Variants in RALYL observed in about 807,000 individuals in gnomAD.
RALYL encodes RALY RNA binding protein like, also known as RNA-binding Raly-like protein.
Under a neutral mutation model 35.1 loss-of-function variants are expected in RALYL, and 29 were observed. The ratio of observed to expected loss-of-function variants is 0.83; its 90% CI spans 0.61 to 1.13. The LOEUF is 1.13. Ranked by LOEUF, RALYL falls within the 50% of genes most tolerant of loss-of-function variation. The pLI is 0.00. For missense variants in RALYL, 359 were observed against 360.4 expected (o/e 1.00, Z 0.03); for synonymous variants, 120 against 127.6 (o/e 0.94, Z 0.40).
intron 2 of RALYL, among the ~76,000 whole-genome samples, chr8:84,663,323 A>G (rs377541253): frequency 6.6e-6 from 1 of 152,188 alleles, no homozygotes; most frequent in Admixed American, 6.6e-5. Context: ...TAATAGAATG[A>G]TGTATATTCC....
intron 1 of RALYL, among the ~76,000 whole-genome samples, chr8:84,330,964 T>C (rs1846694233): frequency 6.6e-6 from 1 of 152,054 alleles, no homozygotes; most frequent in African/African-American, 2.4e-5. Flanking sequence ...ATGGAGAGCA[T>C]TGTATGCTGT....
chr8:84,221,659 T>A (rs887998182), intron 1 of RALYL, among the ~76,000 whole-genome samples: 2 of 152,108 alleles, frequency 1.3e-5, no homozygotes, highest in Non-Finnish European at 2.9e-5. Context: ...ATCTTGGCTG[T>A]TATTATTAGA....
At chr8:84,696,251 T>TA (rs918899934) in intron 2 of RALYL, among the ~76,000 whole-genome samples, 1,746 of 144,732 alleles carry the variant, frequency 0.012, 35 homozygotes, top group African/African-American at 0.038. Flanking sequence ...TGTTAAAATT[T>TA]AAAAAAAAAA....
At chr8:84,765,599 A>G (rs1051185147) in intron 2 of RALYL, among the ~76,000 whole-genome samples, 1 of 152,202 alleles carries the variant, frequency 6.6e-6, no homozygotes, top group Non-Finnish European at 1.5e-5. Flanking sequence ...CTCAACTAAT[A>G]ATAACTACCA....
chr8:84,692,304 A>G (rs1030520350), intron 2 of RALYL, among the ~76,000 whole-genome samples: 2 of 152,012 alleles, frequency 1.3e-5, no homozygotes, highest in Non-Finnish European at 2.9e-5. Context: ...ATCAAAAACA[A>G]TATGGACTGC....
At chr8:84,201,581 A>G (rs1210056482) in intron 1 of RALYL, among the ~76,000 whole-genome samples, 2 of 150,306 alleles carry the variant, frequency 1.3e-5, no homozygotes, top group African/African-American at 2.5e-5. Context: ...TTTTTTTTTC[A>G]AGACAGAGTC....
intron 1 of RALYL, among the ~76,000 whole-genome samples, chr8:84,481,889 G>A (rs552703714): frequency 2.0e-5 from 3 of 152,212 alleles, no homozygotes; most frequent in African/African-American, 7.2e-5. Context: ...ATTGGATGCT[G>A]TGGTATAGAT....
At chr8:84,460,247 G>A (rs759437079) in intron 1 of RALYL, among the ~76,000 whole-genome samples, 3 of 151,638 alleles carry the variant, frequency 2.0e-5, no homozygotes, top group Non-Finnish European at 4.4e-5. Flanking sequence ...AAGTCTAAAT[G>A]GGTAGAATGC....
intron 1 of RALYL, among the ~76,000 whole-genome samples, chr8:84,470,468 GTT>G (rs35783688): frequency 8.4e-5 from 12 of 142,876 alleles, no homozygotes; most frequent in Admixed American, 2.8e-4. Flanking sequence ...GATTGTATGG[GTT>G]TTTTTTTTTT....
At chr8:84,213,183 G>A (rs2131194619) in intron 1 of RALYL, among the ~76,000 whole-genome samples, 1 of 152,250 alleles carries the variant, frequency 6.6e-6, no homozygotes, top group South Asian at 2.1e-4. Flanking sequence ...CTGAGGTCAG[G>A]AGTTCGAGAC....
chr8:84,202,800 AT>A (rs1395127707), intron 1 of RALYL, among the ~76,000 whole-genome samples: 3 of 152,154 alleles, frequency 2.0e-5, no homozygotes. Context: ...CATTTTGAAC[AT>A]TTACTTTAAA....
intron 1 of RALYL, among the ~76,000 whole-genome samples, chr8:84,195,020 C>T (rs1245023768): frequency 1.3e-5 from 2 of 151,980 alleles, no homozygotes; most frequent in Non-Finnish European, 2.9e-5. Flanking sequence ...TAGACACGCT[C>T]ACATAATTAA....
intron 7 of RALYL, among the ~76,000 whole-genome samples, chr8:84,877,897 G>A (rs73301287): frequency 6.6e-6 from 1 of 152,088 alleles, no homozygotes; most frequent in Non-Finnish European, 1.5e-5. Context: ...GATTGAATTG[G>A]TGATGCTTCC....
chr8:84,566,725 G>T (rs2061809656), intron 2 of RALYL, among the ~76,000 whole-genome samples: 1 of 151,518 alleles, frequency 6.6e-6, no homozygotes, highest in African/African-American at 2.4e-5. Context: ...AAATTTACTG[G>T]ATAATATACT....
intron 2 of RALYL, among the ~76,000 whole-genome samples, chr8:84,669,279 C>T (rs547404277): frequency 3.4e-4 from 51 of 152,202 alleles, no homozygotes; most frequent in African/African-American, 1.2e-3. Flanking sequence ...ACTAGGTGAT[C>T]ATGAATAGTC....
intron 2 of RALYL, among the ~76,000 whole-genome samples, chr8:84,574,773 T>C (rs1203144890): frequency 6.6e-6 from 1 of 152,148 alleles, no homozygotes; most frequent in East Asian, 1.9e-4. Flanking sequence ...AACTCTGTCA[T>C]GGCTGAAAGT....
intron 1 of RALYL, among the ~76,000 whole-genome samples, chr8:84,370,042 C>T (rs1207149716): frequency 6.6e-6 from 1 of 152,056 alleles, no homozygotes; most frequent in Non-Finnish European, 1.5e-5. Flanking sequence ...TTATTAACAA[C>T]AATGGGACAC....
At chr8:84,207,672 C>T (rs538896187) in intron 1 of RALYL, among the ~76,000 whole-genome samples, 1 of 152,066 alleles carries the variant, frequency 6.6e-6, no homozygotes, top group East Asian at 1.9e-4. Context: ...GTTAATAATA[C>T]TGTATCAGAT....
rs140133347 is a variant in RALYL at position 84,745,064 on chromosome 8, A to AAC, written c.257-29495_257-29494dup. On this transcript the variant is annotated intron_variant, in intron 2 of 8. Transcript: ENST00000521268. ...CATGCAACACCCCACTCCCAAAACA[A>AAC]ACACACACACACACACACACAGACA... is the stretch of plus-strand genomic sequence containing the variant. Among the ~76,000 whole-genome samples the AAC allele has an allele frequency of 7.0e-3, 1,040 of 149,306 alleles. 8 individuals carry two copies. The highest frequency in any genetic ancestry group is 0.03 in the South Asian group (142 of 4,690).
Sources: gnomAD v4.1 joint callset for allele counts (sites outside exome capture counted in the v4.1 genomes callset) on GRCh38, gnomAD v4.1.1 for gene constraint, MANE v1.5 for transcripts, NCBI Gene and HGNC (gene_info 2026-07-23, HGNC 2026-07-21) for gene names.